The following PCDHGA8 variants were observed in gnomAD, a reference collection of about 807,000 sequenced individuals.
The protein encoded by PCDHGA8 is protocadherin gamma-A8.
Under a neutral mutation model 59.2 loss-of-function variants are expected in PCDHGA8, and 45 were observed. The ratio of observed to expected loss-of-function variants is 0.76; its 90% CI spans 0.60 to 0.98. PCDHGA8 has a LOEUF of 0.98. Among genes scored for constraint, PCDHGA8 ranks in the 50% least tolerant of loss-of-function variants. The pLI, the probability that PCDHGA8 is intolerant of heterozygous loss-of-function variation, is 0.00. For synonymous variants in PCDHGA8, 531 were observed against 519.0 expected, an observed-to-expected ratio of 1.02 and a Z score of -0.32; for missense variants, 1,257 against 1,196.2, an observed-to-expected ratio of 1.05 and a Z score of -0.75.
chr5:141,415,519 A>G, intron 1 of PCDHGA8: 1 of 1,614,182 alleles, frequency 6.2e-7, no homozygotes, highest in Non-Finnish European at 8.5e-7. Context: ...TTATGCGGAC[A>G]CGCTCATCAG....
rs1293513120 is a variant in PCDHGA8 at position 141,394,364 on chromosome 5, G to A, written c.1551G>A (p.Leu517=). 1 of 1,614,186 alleles carries A rather than the reference G, an allele frequency of 6.2e-7. No individual in the cohort carries two copies. Residue 517 remains leucine, a synonymous_variant, in exon 1 of 4, where the codon CTG becomes CTA. Coordinates refer to ENST00000398604, the MANE Select transcript of PCDHGA8 (RefSeq NM_032088.2). ...INSDTGVLYA[L]QSFDYEQIRD... The stretch of plus-strand genomic sequence containing the variant: ...CTGACACCGGTGTCCTGTATGCGCT[G>A]CAATCTTTCGACTATGAGCAGATCC...
chr5:141,394,136 C>A lies in PCDHGA8; in HGVS notation c.1323C>A (p.His441Gln). The A allele has an allele frequency of 1.9e-6, 3 of 1,613,956 alleles. No individual in the cohort carries two copies. The highest frequency in any genetic ancestry group is 2.5e-6 in the Non-Finnish European group (3 of 1,179,860). Residue 441 changes from histidine (H) to glutamine (Q), a missense_variant, in exon 1 of 4, where the codon CAC (histidine) becomes CAA (glutamine). Transcript: ENST00000398604. ...PLSTETQIAL[H>Q]VADINDNPPT... Reference sequence around the variant, plus strand: ...CCACTGAAACTCAAATCGCTCTGCACGTGGCAGACATTAACGACAACCCTC... The same window carrying A: ...CCACTGAAACTCAAATCGCTCTGCAAGTGGCAGACATTAACGACAACCCTC...
rs988237114 is a variant in PCDHGA8 at position 141,493,830 on chromosome 5, G to A, written c.2425-977G>A. On this transcript the variant is annotated intron_variant, in intron 1 of 3. Transcript: ENST00000398604. This position sits in a 1 kb window ranked among gnomAD's most constrained non-coding sequence, Gnocchi z 4.3. ...ATACTCACACTCTCTGCTTCTGGGA[G>A]CAAGTATGAGTATTAATTACCAGCC... 1.3e-5 allele frequency among the ~76,000 whole-genome samples: 2 copies of A among 152,218 alleles called. No individual in the cohort carries two copies. The highest frequency in any genetic ancestry group is 4.8e-5 in the African/African-American group (2 of 41,456).
rs148641580 is a variant in PCDHGA8 at position 141,437,874 on chromosome 5, A to C, written c.2424+42637A>C. 3.9e-4 allele frequency among the ~76,000 whole-genome samples: 59 copies of C among 151,954 alleles called. 1 individual carries two copies. In the East Asian group the frequency reaches 5.8e-3, roughly 15 times the overall value. Reference sequence around the variant, plus strand: ...TGCCTTAGCCTCCCGAGTAGCTGGGACTACAGGCACACGCCACCACACCCA... The same window carrying C: ...TGCCTTAGCCTCCCGAGTAGCTGGGCCTACAGGCACACGCCACCACACCCA... On this transcript the variant is annotated intron_variant, in intron 1 of 3. Transcript: ENST00000398604.
At chr5:141,428,169 G>T (rs758370904) in intron 1 of PCDHGA8, 5 of 1,539,960 alleles carry the variant, frequency 3.2e-6, no homozygotes, top group South Asian at 2.2e-5. Context: ...GTTGCTGTGC[G>T]TGACGGAGGA....
chr5:141,481,729 G>A (rs757464454), intron 1 of PCDHGA8, among the ~76,000 whole-genome samples: 6 of 151,966 alleles, frequency 3.9e-5, no homozygotes, highest in Admixed American at 1.3e-4. Flanking sequence ...GGAGGCGGGC[G>A]GATCACGAGG....
In PCDHGA8 at chr5:141,477,200, C is replaced by A; in HGVS notation, c.2425-17607C>A. On this transcript the variant is annotated intron_variant, in intron 1 of 3. Transcript: ENST00000398604. The surrounding 1 kb of genome is among the most constrained non-coding windows in gnomAD (Gnocchi z 4.9). The stretch of plus-strand genomic sequence containing the variant: ...AGTCACCTCCGTGTACAGCCCAGTA[C>A]CCGAGGATGCCCCTCTGGGGACTGT... 6.2e-7 allele frequency: 1 copy of A among 1,614,206 alleles called. No homozygotes were observed. Among genetic ancestry groups the A allele is most frequent in the South Asian group, 1.1e-5 (1 of 91,088 alleles).
rs1182148013 is a variant in PCDHGA8, at chr5:141,431,510, G to C, written c.2424+36273G>C. On this transcript the variant is annotated intron_variant, in intron 1 of 3. Transcript: ENST00000398604. This position sits in a 1 kb window ranked among gnomAD's most constrained non-coding sequence, Gnocchi z 4.8. ...TGCTCAGCCCGAGTACCGCGCGAGC[G>C]TTCCGGAGAATCTGGCCTTGGGCAC... 6.2e-7 allele frequency: 1 copy of C among 1,614,022 alleles called. No homozygotes were observed. The highest frequency in any genetic ancestry group is 8.5e-7 in the Non-Finnish European group (1 of 1,180,026).
chr5:141,474,153 A>G (rs1424442765), intron 1 of PCDHGA8, among the ~76,000 whole-genome samples: 3 of 152,254 alleles, frequency 2.0e-5, no homozygotes, highest in Non-Finnish European at 4.4e-5. Flanking sequence ...TATCAAGAAA[A>G]TGACAGGCCT....
chr5:141,496,993 C>G (rs981547671), intron 2 of PCDHGA8, among the ~76,000 whole-genome samples: 1 of 151,910 alleles, frequency 6.6e-6, no homozygotes, highest in South Asian at 2.1e-4. Flanking sequence ...TGAGACCAGC[C>G]TGGCAGCCAA....
chr5:141,475,862 T>G, intron 1 of PCDHGA8: 1 of 492,756 alleles, frequency 2.0e-6, no homozygotes, highest in Non-Finnish European at 3.6e-6. Context: ...GCTAGCTCAT[T>G]CTTCGTGCAG....
intron 1 of PCDHGA8, among the ~76,000 whole-genome samples, chr5:141,445,447 A>G (rs974383838): frequency 3.4e-4 from 51 of 152,222 alleles, no homozygotes; most frequent in Admixed American, 1.3e-3. Flanking sequence ...TGGACTAAGG[A>G]TGCAGCAATG....
At chr5:141,422,849 C>G in intron 1 of PCDHGA8, 1 of 1,614,238 alleles carries the variant, frequency 6.2e-7, no homozygotes, top group East Asian at 2.2e-5. Flanking sequence ...AGCGGGGACC[C>G]GCCCCTCAGC....
chr5:141,398,576 C>T (rs1257000620), intron 1 of PCDHGA8: 4 of 1,613,968 alleles, frequency 2.5e-6, no homozygotes, highest in Non-Finnish European at 1.7e-6. Flanking sequence ...CAGCCTGGCA[C>T]AAGATTTATA....
chr5:141,403,308 T>C (rs1245270186), intron 1 of PCDHGA8: 2 of 1,613,866 alleles, frequency 1.2e-6, no homozygotes, highest in Admixed American at 1.7e-5. Flanking sequence ...CTGTACGGAA[T>C]AGAAATAGAA....
At chr5:141,435,446 G>C (rs889481920) in intron 1 of PCDHGA8, among the ~76,000 whole-genome samples, 5 of 152,060 alleles carry the variant, frequency 3.3e-5, no homozygotes, top group African/African-American at 2.4e-5. Context: ...TCATTAATAC[G>C]ATATCTGTAT....
intron 1 of PCDHGA8, among the ~76,000 whole-genome samples, chr5:141,435,951 G>C (rs371199258): frequency 3.9e-5 from 6 of 152,100 alleles, no homozygotes; most frequent in African/African-American, 1.4e-4. Flanking sequence ...ACCAAAAAAG[G>C]GGGCAAAATA....
chr5:141,471,046 CTTTTT>C (rs1170588345), intron 1 of PCDHGA8, among the ~76,000 whole-genome samples: 2 of 113,276 alleles, frequency 1.8e-5, no homozygotes, highest in Non-Finnish European at 3.6e-5. Context: ...CCCAAGCCCT[CTTTTT>C]TTTTTTTTTT....
At chr5:141,395,542 T>TTGTG (rs55729045) in intron 1 of PCDHGA8, 55 of 172,626 alleles carry the variant, frequency 3.2e-4, no homozygotes, top group East Asian at 1.2e-3. Context: ...TTGCTATTGT[T>TTGTG]TGTGTGTGTG....
Sources: allele counts gnomAD v4.1 joint callset (sites outside exome capture counted in the v4.1 genomes callset), GRCh38; gene constraint gnomAD v4.1.1; non-coding constraint Gnocchi (gnomAD v3.1); transcripts MANE v1.5; gene names NCBI Gene and HGNC (gene_info 2026-07-23, HGNC 2026-07-21).